RCBTB2: variants seen among roughly 807,000 people sequenced by gnomAD.
RCBTB2 encodes RCC1 and BTB domain containing protein 2.
In RCBTB2, 55 loss-of-function variants were observed where a neutral mutation model predicts 65.4. The ratio of observed to expected loss-of-function variants is 0.84; its 90% CI spans 0.68 to 1.05. The LOEUF (loss-of-function observed/expected upper bound fraction) is 1.05. Ranked by LOEUF, RCBTB2 falls within the 50% of genes least tolerant of loss-of-function variation. The pLI is 0.00. For missense variants in RCBTB2, 599 were observed against 680.1 expected (o/e 0.88, Z 1.33); for synonymous variants, 220 against 255.2 (o/e 0.86, Z 1.31).
At chr13:48,515,765 G>A (rs1397534315) in intron 4 of RCBTB2, 24 bp from the exon 5 acceptor site, 1 of 1,583,946 alleles carries the variant, frequency 6.3e-7, no homozygotes, top group East Asian at 2.3e-5. Context: ...AATATATGTT[G>A]AAATGACAAA....
chr13:48,526,498 T>G (rs1363352075), intron 1 of RCBTB2, among the ~76,000 whole-genome samples: 2 of 152,062 alleles, frequency 1.3e-5, no homozygotes, highest in African/African-American at 4.8e-5. Context: ...ATCACACCAC[T>G]GCACTCAGCC....
At chr13:48,527,541 T>A (rs1018782732) in intron 1 of RCBTB2, among the ~76,000 whole-genome samples, 2 of 151,914 alleles carry the variant, frequency 1.3e-5, no homozygotes, top group Non-Finnish European at 2.9e-5. Context: ...ATAAGTAACC[T>A]CTCCACGCAG....
At chr13:48,492,764 C>T (rs2138395269) in intron 14 of RCBTB2, among the ~76,000 whole-genome samples, 1 of 152,304 alleles carries the variant, frequency 6.6e-6, no homozygotes, top group South Asian at 2.1e-4. Flanking sequence ...GTCTCCTTTG[C>T]TGGTGTCTCC....
intron 14 of RCBTB2, among the ~76,000 whole-genome samples, chr13:48,494,342 A>C (rs896958189): frequency 5.3e-5 from 8 of 152,366 alleles, no homozygotes; most frequent in Middle Eastern, 3.4e-3. Flanking sequence ...TGTATTTTAC[A>C]TTAAGTACAT....
chr13:48,503,565 G>A (rs527301987), intron 10 of RCBTB2, among the ~76,000 whole-genome samples: 98 of 151,862 alleles, frequency 6.5e-4, no homozygotes, highest in African/African-American at 2.2e-3. Context: ...TTAAGACAGA[G>A]GAGTCTTGCC....
At chr13:48,510,844 G>T in intron 9 of RCBTB2, 73 bp from the exon 10 acceptor site, 1 of 1,467,088 alleles carries the variant, frequency 6.8e-7, no homozygotes, top group Non-Finnish European at 9.3e-7. Flanking sequence ...AGTAGGTTAA[G>T]AATCAAAAAT....
intron 10 of RCBTB2, among the ~76,000 whole-genome samples, chr13:48,509,956 C>T (rs1307650690): frequency 6.6e-6 from 1 of 152,008 alleles, no homozygotes; most frequent in Non-Finnish European, 1.5e-5. Flanking sequence ...AACGTTTTTG[C>T]TCTACACTAC....
intron 7 of RCBTB2, among the ~76,000 whole-genome samples, chr13:48,512,522 T>G (rs1053198082): frequency 6.6e-6 from 1 of 152,226 alleles, no homozygotes; most frequent in Non-Finnish European, 1.5e-5. Flanking sequence ...CAATACCTCC[T>G]TTTAAATTTT....
At chr13:48,515,518 C>G in intron 5 of RCBTB2, 68 bp downstream of exon 5, 1 of 1,449,276 alleles carries the variant, frequency 6.9e-7, no homozygotes, top group South Asian at 1.3e-5. Flanking sequence ...TTAGTTCCCC[C>G]AAGATCTTCA....
intron 10 of RCBTB2, among the ~76,000 whole-genome samples, chr13:48,508,179 G>A (rs1272212787): frequency 1.3e-5 from 2 of 152,210 alleles, no homozygotes; most frequent in African/African-American, 4.8e-5. Flanking sequence ...AGAGTCAGAA[G>A]TAAGGCTCCG....
rs773456427 is a variant in RCBTB2, at chr13:48,490,140, C to G, written c.1627G>C (p.Ala543Pro). The part of the protein sequence containing the change: ...HDLLKNFISK[A>P]SRVGAFKN ...TTTTTAAAGGCTCCAACTCTGCTTGCTTTGCTGATAAAGTTCTTCAGGAGA... is the reference window on the plus strand; with the variant it reads ...TTTTTAAAGGCTCCAACTCTGCTTGGTTTGCTGATAAAGTTCTTCAGGAGA... The change falls in exon 15 of 15, where the codon GCA (alanine) becomes CCA (proline). Residue 543 changes from alanine (A) to proline (P), a missense_variant. Ala to Pro is a conservative substitution (Grantham distance 27). Coordinates refer to ENST00000344532, the MANE Select transcript of RCBTB2 (RefSeq NM_001268.4). The G allele has an allele frequency of 6.2e-7, 1 of 1,614,124 alleles. No individual in the cohort carries two copies. Among genetic ancestry groups the G allele is most frequent in the South Asian group, 1.1e-5 (1 of 91,082 alleles).
chr13:48,501,027 A>T lies in RCBTB2; in HGVS notation c.1244+715T>A, dbSNP rs149323909. 4.6e-3 allele frequency among the ~76,000 whole-genome samples: 701 copies of T among 152,344 alleles called. 5 individuals are homozygous for T. The highest frequency in any genetic ancestry group is 0.016 in the African/African-American group (666 of 41,576). On this transcript the variant is annotated intron_variant, in intron 12 of 14. Transcript: ENST00000344532. ...CATGTAAAAGAAAGAAGCCAAGCAC[A>T]AATGAATGCATCCTGTATCATCCCA...
At chr13:48,531,044 C>T (rs1952088193) in intron 1 of RCBTB2, among the ~76,000 whole-genome samples, 1 of 152,228 alleles carries the variant, frequency 6.6e-6, no homozygotes, top group Admixed American at 6.5e-5. Context: ...CACACCTGCA[C>T]TCCCAATTCC....
chr13:48,518,493 ATATT>A (rs1951230284), intron 4 of RCBTB2, among the ~76,000 whole-genome samples: 1 of 146,188 alleles, frequency 6.8e-6, no homozygotes, highest in Admixed American at 6.8e-5. Flanking sequence ...ATATATATAT[ATATT>A]TACCTCTTAG....
chr13:48,495,640 T>C (rs1949935048), intron 14 of RCBTB2, among the ~76,000 whole-genome samples: 1 of 152,240 alleles, frequency 6.6e-6, no homozygotes, highest in South Asian at 2.1e-4. Context: ...GCTTAATACA[T>C]ATTATACCAA....
At position 48,515,251 on chromosome 13, in the gene RCBTB2, G is replaced by A; in HGVS notation, c.303C>T (p.Ala101=). 1 of 1,614,100 alleles carries A rather than the reference G, an allele frequency of 6.2e-7. No homozygotes were observed. The highest frequency in any genetic ancestry group is 8.5e-7 in the Non-Finnish European group (1 of 1,180,000). Residue 101 remains alanine (A), a synonymous_variant, in exon 6 of 15, where the codon GCC becomes GCT. Transcript: ENST00000344532. ...RLDSLNGKKI[A]CLSYGSGPHI... ...GTGGACCACTCCCATAGCTGAGGCA[G>A]GCTATTTTTTTGCCATTTAAAGAAT... is the stretch of plus-strand genomic sequence containing the variant.
At chr13:48,534,065 G>A (rs1952317054), upstream of RCBTB2, among the ~76,000 whole-genome samples, 1 of 152,154 alleles carries the variant, frequency 6.6e-6, no homozygotes, top group Non-Finnish European at 1.5e-5. Context: ...GCTACATAGG[G>A]CAGACATTTA....
At chr13:48,499,166 T>TCACACA (rs1186154093) in intron 13 of RCBTB2, among the ~76,000 whole-genome samples, 5 of 149,074 alleles carry the variant, frequency 3.4e-5, no homozygotes, top group African/African-American at 1.3e-4. Flanking sequence ...TCTCTCTCTC[T>TCACACA]CTCACACACA....
Position 48,501,870 on chromosome 13 carries a change from TAGG to T in RCBTB2, c.1118-5_1118-3del. On this transcript the variant is annotated splice_region_variant and splice_polypyrimidine_tract_variant and intron_variant, in intron 11 of 14. Coordinates refer to ENST00000344532, the MANE Select transcript of RCBTB2 (RefSeq NM_001268.4). ...CCACTGTGAGGTGGTCATCAGGTTC[TAGG>T]AGAATAATGCAAATGCTTCCAGAGT... 4 of 1,613,294 alleles carry T rather than the reference TAGG, an allele frequency of 2.5e-6. No individual in the cohort carries two copies. The highest frequency in any genetic ancestry group is 3.4e-6 in the Non-Finnish European group (4 of 1,179,692).
Sources: allele counts gnomAD v4.1 joint callset (sites outside exome capture counted in the v4.1 genomes callset), GRCh38; gene constraint gnomAD v4.1.1; transcripts MANE v1.5; gene names NCBI Gene and HGNC (gene_info 2026-07-23, HGNC 2026-07-21).